Variants in CFAP90 observed in about 807,000 individuals in gnomAD.
The protein encoded by CFAP90 is cilia and flagella associated protein 90.
chr5:7,830,774 T>G, the CFAP90 span: 1 of 152,226 alleles, frequency 6.6e-6, no homozygotes, highest in Non-Finnish European at 1.5e-5. Context: ...TGTGGGAAAT[T>G]TAATCATGGT....
chr5:7,849,724 G>A, the CFAP90 span, among the ~76,000 whole-genome samples: 1 of 152,158 alleles, frequency 6.6e-6, no homozygotes, highest in Non-Finnish European at 1.5e-5. Context: ...TGCACGGGCC[G>A]GTGTGGCCAG....
chr5:7,845,247 C>G, the CFAP90 span, among the ~76,000 whole-genome samples: 1 of 152,184 alleles, frequency 6.6e-6, no homozygotes, highest in East Asian at 1.9e-4. Flanking sequence ...CCTGCATCAA[C>G]ATGTGGGGGT....
chr5:7,832,636 C>T, the CFAP90 span, among the ~76,000 whole-genome samples: 4 of 152,096 alleles, frequency 2.6e-5, no homozygotes, highest in Admixed American at 2.0e-4. Context: ...TACAAGCGTG[C>T]ACCACCACGC....
chr5:7,846,693 C>A, the CFAP90 span, among the ~76,000 whole-genome samples: 1 of 152,142 alleles, frequency 6.6e-6, no homozygotes, highest in African/African-American at 2.4e-5. Flanking sequence ...AGAACTAATT[C>A]TGTACTGTTT....
the CFAP90 span, among the ~76,000 whole-genome samples, chr5:7,841,203 C>T: frequency 2.6e-5 from 4 of 152,196 alleles, no homozygotes; most frequent in Non-Finnish European, 2.9e-5. Context: ...AATAGACACA[C>T]ATGTGGCCAA....
chr5:7,835,471 T>C, the CFAP90 span: 1 of 1,594,334 alleles, frequency 6.3e-7, no homozygotes, highest in Non-Finnish European at 8.6e-7. Flanking sequence ...CTCTTAAAAA[T>C]ACAATCATAG....
chr5:7,850,428 T>C, the CFAP90 span, among the ~76,000 whole-genome samples: 2 of 150,278 alleles, frequency 1.3e-5, no homozygotes, highest in Admixed American at 1.3e-4. Flanking sequence ...CCCCGATCCC[T>C]AGCGGTGCAG....
At chr5:7,839,695 T>C in the CFAP90 span, among the ~76,000 whole-genome samples, 1 of 152,196 alleles carries the variant, frequency 6.6e-6, no homozygotes, top group African/African-American at 2.4e-5. Context: ...CCTGGATTAG[T>C]TGCCAACAGT....
the CFAP90 span, chr5:7,850,977 G>A: frequency 7.6e-7 from 1 of 1,308,342 alleles, no homozygotes; most frequent in Non-Finnish European, 9.7e-7. Context: ...GCCTGGGCTT[G>A]CCCCGCAGCG....
At chr5:7,850,816 CCGCCCAGCCGCCCA>C in the CFAP90 span, 5 of 1,227,472 alleles carry the variant, frequency 4.1e-6, no homozygotes, top group Admixed American at 8.6e-5. Context: ...AGCCGCCCAG[CCGCCCAGCCGCCCA>C]GCCGCCCAGC....
chr5:7,849,462 A>T, the CFAP90 span, among the ~76,000 whole-genome samples: 2 of 152,114 alleles, frequency 1.3e-5, no homozygotes, highest in African/African-American at 4.8e-5. Context: ...GGACAGCTAG[A>T]ATTAGAAAGA....
At chr5:7,831,884 T>C in the CFAP90 span, 1 of 1,613,830 alleles carries the variant, frequency 6.2e-7, no homozygotes, top group Non-Finnish European at 8.5e-7. Flanking sequence ...GCCGGGTTCC[T>C]TGAGGCTGGG....
chr5:7,847,746 T>G, the CFAP90 span, among the ~76,000 whole-genome samples: 57 of 152,276 alleles, frequency 3.7e-4, no homozygotes, highest in African/African-American at 1.3e-3. Context: ...CTCTCTGCCC[T>G]TTGGTTAGTT....
chr5:7,844,120 CCCCGACCAACCCCTTT>C, the CFAP90 span, among the ~76,000 whole-genome samples: 13 of 152,256 alleles, frequency 8.5e-5, no homozygotes, highest in Admixed American at 3.3e-4. Flanking sequence ...GGGCTCAGCC[CCCCGACCAACCCCTTT>C]TTAAGGAGCT....
At chr5:7,850,338 T>A in the CFAP90 span, among the ~76,000 whole-genome samples, 1,778 of 66,780 alleles carry the variant, frequency 0.027, 40 homozygotes, top group African/African-American at 0.088. Context: ...AACCCACCCC[T>A]GGTAGTGAAG....
At chr5:7,837,207 T>C in the CFAP90 span, among the ~76,000 whole-genome samples, 1 of 152,176 alleles carries the variant, frequency 6.6e-6, no homozygotes, top group Admixed American at 6.6e-5. Flanking sequence ...CTCCATTTTA[T>C]CATCCCAACT....
At chr5:7,850,093 G>C in the CFAP90 span, among the ~76,000 whole-genome samples, 19 of 152,068 alleles carry the variant, frequency 1.2e-4, no homozygotes, top group Non-Finnish European at 5.9e-5. Context: ...GCATTCCCGC[G>C]ACTCCCAGCC....
At chr5:7,835,556 C>T in the CFAP90 span, 1 of 977,938 alleles carries the variant, frequency 1.0e-6, no homozygotes, top group African/African-American at 1.6e-5. Flanking sequence ...GTCATTGAGG[C>T]CCGATGGAGC....
the CFAP90 span, chr5:7,850,785 T>TGCCCAGCC: frequency 1.3e-3 from 1,377 of 1,066,138 alleles, 13 homozygotes; most frequent in African/African-American, 0.018. Flanking sequence ...CGCCCGCCCC[T>TGCCCAGCC]GCCCAGCCGC....
Sources: allele counts gnomAD v4.1 joint callset (sites outside exome capture counted in the v4.1 genomes callset), GRCh38; gene constraint gnomAD v4.1.1; transcripts MANE v1.5; gene names NCBI Gene and HGNC (gene_info 2026-07-23, HGNC 2026-07-21).